DNAH2: variants seen among roughly 807,000 people sequenced by gnomAD.
The protein encoded by DNAH2 is axonemal beta dynein heavy chain 2.
In DNAH2, 323 loss-of-function variants were observed where a neutral mutation model predicts 523.5. The ratio of observed to expected loss-of-function variants is 0.62; its 90% CI spans 0.56 to 0.68. DNAH2 has a LOEUF of 0.68. Among genes scored for constraint, DNAH2 ranks in the 30% least tolerant of loss-of-function variants. DNAH2 has a pLI of 0.00. For synonymous variants in DNAH2, 2,093 were observed against 2,177.4 expected, an observed-to-expected ratio of 0.96 and a Z score of 1.08; for missense variants, 4,907 against 5,701.5, an observed-to-expected ratio of 0.86 and a Z score of 4.49.
At chr17:7,735,801 G>A (rs570874075) in intron 7 of DNAH2, among the ~76,000 whole-genome samples, 1 of 151,932 alleles carries the variant, frequency 6.6e-6, no homozygotes, top group East Asian at 1.9e-4. Flanking sequence ...CGACCAGGCT[G>A]GAGTGCAGTA....
At chr17:7,738,347 T>C (rs890412801) in intron 8 of DNAH2, among the ~76,000 whole-genome samples, 44 of 152,250 alleles carry the variant, frequency 2.9e-4, no homozygotes, top group African/African-American at 8.9e-4. Flanking sequence ...AATTTTTTTT[T>C]GAGACAGAGT....
At chr17:7,725,488 A>T (rs1325787413) in intron 3 of DNAH2, among the ~76,000 whole-genome samples, 1 of 145,048 alleles carries the variant, frequency 6.9e-6, no homozygotes, top group African/African-American at 2.6e-5. Context: ...GTTGGAGTGC[A>T]GTGGCGCGAT....
intron 12 of DNAH2, among the ~76,000 whole-genome samples, chr17:7,751,701 A>T (rs2151179303): frequency 6.6e-6 from 1 of 152,020 alleles, no homozygotes; most frequent in East Asian, 1.9e-4. Context: ...ATGTGCAGGA[A>T]CCAAACTGTT....
chr17:7,756,860 G>T (rs1267142899), intron 12 of DNAH2, among the ~76,000 whole-genome samples: 2 of 151,954 alleles, frequency 1.3e-5, no homozygotes, highest in Non-Finnish European at 1.5e-5. Context: ...TTGTAGAGAT[G>T]GGATTCCCCC....
rs776353013 is a variant in DNAH2 at position 7,786,128 on chromosome 17, G to A, written c.6134G>A (p.Arg2045Gln). Residue 2045 changes from arginine to glutamine, a missense_variant, in exon 40 of 86, where the codon CGG becomes CAG. Arg to Gln is a conservative substitution (Grantham distance 43, BLOSUM62 1). This residue lies in a region of DNAH2 where 2,806 missense variants were observed against 3,190.8 expected (regional missense o/e 0.88). Coordinates refer to ENST00000572933, the MANE Select transcript of DNAH2 (RefSeq NM_020877.5). This position sits in a 1 kb window ranked among gnomAD's most constrained non-coding sequence, Gnocchi z 7.5. ...CTGTGTTTTCCCTTCCCTCAGCTGC[G>A]GGAGACCGTTGAGCAGGAGATTCGA... ...ELPVIDYGKL[R>Q]ETVEQEIRDM... The A allele has an allele frequency of 1.1e-5, 18 of 1,613,814 alleles. 1 individual carries two copies. The highest frequency in any genetic ancestry group is 4.5e-5 in the East Asian group (2 of 44,868).
chr17:7,765,904 G>A (rs1490777889), intron 21 of DNAH2, among the ~76,000 whole-genome samples: 5 of 151,404 alleles, frequency 3.3e-5, no homozygotes, highest in Admixed American at 3.3e-4. Context: ...CAGCCTCCCC[G>A]AGTAGCTGGG....
At position 7,775,337 on chromosome 17, in the gene DNAH2, G is replaced by T. The variant is rs1345648358; in HGVS notation, c.4816G>T (p.Val1606Leu). The T allele has an allele frequency of 2.5e-6, 4 of 1,610,260 alleles. No individual in the cohort carries two copies. The highest frequency in any genetic ancestry group is 1.7e-5 in the Admixed American group (1 of 59,706). ...CCACTCAGTATTTTTAGAAGGCCCT[G>T]TGGAGGTGAGTTGTGGTGAGGGTCT... ...FLHSVFLEGP[V>L]ESWLGDVEQT... is the part of the protein sequence containing the mutation. The change falls in exon 30 of 86, where the codon GTG becomes TTG. Residue 1606 changes from valine (V) to leucine (L), a missense_variant. Val to Leu is a conservative substitution (Grantham distance 32). Coordinates refer to ENST00000572933, the MANE Select transcript of DNAH2 (RefSeq NM_020877.5).
Position 7,759,098 on chromosome 17 carries a change from G to A in DNAH2, c.2422G>A (p.Glu808Lys), listed in dbSNP as rs2075930587. Residue 808 changes from glutamate to lysine, a missense_variant, in exon 15 of 86, where the codon GAG (glutamate) becomes AAG (lysine). This residue lies in a region of DNAH2 where 2,806 missense variants were observed against 3,190.8 expected (regional missense o/e 0.88). Coordinates refer to ENST00000572933, the MANE Select transcript of DNAH2 (RefSeq NM_020877.5). ...GGTGACCATCATGACCAACTCCTATGAGGTCTTCAAGAATGATGGTCCTGA... is the reference window on the plus strand; with the variant it reads ...GGTGACCATCATGACCAACTCCTATAAGGTCTTCAAGAATGATGGTCCTGA... ...DVVTIMTNSY[E>K]VFKNDGPEIQ... The A allele has an allele frequency of 6.2e-7, 1 of 1,614,158 alleles. No individual in the cohort carries two copies. The highest frequency in any genetic ancestry group is 1.1e-5 in the South Asian group (1 of 91,076).
intron 73 of DNAH2, 95 bp from the exon 74 acceptor site, chr17:7,823,347 C>CAGAG (rs71389703): frequency 0.39 from 307,995 of 781,080 alleles, 26,400 homozygotes; most frequent in Non-Finnish European, 0.43. Flanking sequence ...GAGAAAAATA[C>CAGAG]AGAGAGAGAG....
chr17:7,808,080 C>T (rs554157676), intron 63 of DNAH2, among the ~76,000 whole-genome samples: 1 of 152,134 alleles, frequency 6.6e-6, no homozygotes, highest in Non-Finnish European at 1.5e-5. Context: ...CTGCAAGATG[C>T]ATGCATGAGG....
chr17:7,760,674 A>G lies in DNAH2; in HGVS notation c.2786-66A>G. The G allele has an allele frequency of 6.6e-7, 1 of 1,513,452 alleles. No homozygotes were observed. Among genetic ancestry groups the G allele is most frequent in the Non-Finnish European group, 9.0e-7 (1 of 1,114,142 alleles). 93.8% of individuals were successfully genotyped at this position (1,513,452 alleles called of 1,614,324 possible). ...GAGTGGAAGGTCTGGAGCAGTGGGC[A>G]GGGCTCAGGCAGAAGTTGGGTTGGG... On this transcript the variant is annotated intron_variant, in intron 17 of 85. Coordinates refer to ENST00000572933, the MANE Select transcript of DNAH2 (RefSeq NM_020877.5). This position sits in a 1 kb window ranked among gnomAD's most constrained non-coding sequence, Gnocchi z 4.0.
rs568838606 is a variant in DNAH2 at position 7,756,732 on chromosome 17, G to A, written c.1905-359G>A. ...GTCTTGCTCTGTGGAGTGCAGTGGT[G>A]CGATCTCAGCTCACTGCAACTTCTG... On this transcript the variant is annotated intron_variant, in intron 12 of 85. Transcript: ENST00000572933. Among the ~76,000 whole-genome samples the A allele has an allele frequency of 3.2e-4, 48 of 152,184 alleles. 1 individual carries two copies. Among genetic ancestry groups the A allele is most frequent in the Non-Finnish European group, 4.9e-4 (33 of 68,038 alleles).
Position 7,775,264 on chromosome 17 carries a change from G to A in DNAH2, c.4743G>A (p.Trp1581Ter), listed in dbSNP as rs1259057661. ...IQKVGGPSSKWEAVGMFSGDG... is the reference protein window; with the variant it reads ...IQKVGGPSSK ...AGGTTGGAGGGCCCAGCAGCAAATG[G>A]GAAGCTGTGGGGATGTTCTCGGGCG... The change falls in exon 30 of 86, where the codon TGG becomes TGA. Residue 1581 changes from tryptophan to a stop codon, truncating the protein, a stop_gained. Coordinates refer to ENST00000572933, the MANE Select transcript of DNAH2 (RefSeq NM_020877.5). LOFTEE classifies it high-confidence loss of function. 1 of 1,613,440 alleles carries A rather than the reference G, an allele frequency of 6.2e-7. No individual in the cohort carries two copies. Among genetic ancestry groups the A allele is most frequent in the South Asian group, 1.1e-5 (1 of 90,852 alleles).
chr17:7,769,354 G>A (rs1370871634), intron 24 of DNAH2, among the ~76,000 whole-genome samples: 2 of 152,122 alleles, frequency 1.3e-5, no homozygotes, highest in South Asian at 2.1e-4. Context: ...TAGAGATGGG[G>A]TTTTGCCATG....
intron 4 of DNAH2, among the ~76,000 whole-genome samples, chr17:7,729,522 C>T (rs1357754039): frequency 1.3e-5 from 2 of 152,126 alleles, no homozygotes; most frequent in Non-Finnish European, 2.9e-5. Context: ...CCTCTGCCTT[C>T]TGGGTTCAAG....
In DNAH2 at chr17:7,764,032, G is replaced by A; in HGVS notation, c.3179+1G>A. On this transcript the variant is annotated splice_donor_variant, in intron 19 of 85. Transcript: ENST00000572933. LOFTEE classifies it high-confidence loss of function. Reference sequence around the variant, plus strand: ...CCTACCTGAAGGAGAACGCAGAGAAGTGCGGGCTGGGGCGCCCCACAGGAA... The same window carrying A: ...CCTACCTGAAGGAGAACGCAGAGAAATGCGGGCTGGGGCGCCCCACAGGAA... 1.2e-6 allele frequency: 2 copies of A among 1,614,208 alleles called. No individual in the cohort carries two copies. Among genetic ancestry groups the A allele is most frequent in the Admixed American group, 1.7e-5 (1 of 60,028 alleles).
chr17:7,758,177 C>T (rs765305369), intron 13 of DNAH2, among the ~76,000 whole-genome samples: 4 of 152,166 alleles, frequency 2.6e-5, no homozygotes, highest in Non-Finnish European at 5.9e-5. Flanking sequence ...TTTGATTACT[C>T]ATTGGTACAG....
chr17:7,738,273 C>T (rs1410577328), intron 8 of DNAH2, among the ~76,000 whole-genome samples: 28 of 152,154 alleles, frequency 1.8e-4, no homozygotes, highest in Non-Finnish European at 1.5e-5. Context: ...AATTTTCTGT[C>T]TGGATACAGA....
At chr17:7,764,598 A>G (rs971008689) in intron 20 of DNAH2, among the ~76,000 whole-genome samples, 2 of 150,516 alleles carry the variant, frequency 1.3e-5, no homozygotes, top group African/African-American at 2.4e-5. Flanking sequence ...GTAGCTGGGA[A>G]CACAGGCACA....
Sources: gnomAD v4.1 joint callset for allele counts (sites outside exome capture counted in the v4.1 genomes callset) on GRCh38, gnomAD v4.1.1 for gene constraint, gnomAD v4.1.1 regional missense constraint, Gnocchi (gnomAD v3.1) non-coding constraint, MANE v1.5 for transcripts, NCBI Gene and HGNC (gene_info 2026-07-23, HGNC 2026-07-21) for gene names.